Variants in SUPT3H observed in about 807,000 individuals in gnomAD.
The protein encoded by SUPT3H is SPT3 homolog, SAGA and STAGA complex component, also known as transcription initiation protein SPT3 homolog.
Under a neutral mutation model 44.3 loss-of-function variants are expected in SUPT3H, and 44 were observed. The ratio of observed to expected loss-of-function variants is 0.99; its 90% CI spans 0.78 to 1.28. The LOEUF is 1.28. SUPT3H is among the 50% of genes most tolerant of loss of function. The pLI, the probability that SUPT3H is intolerant of heterozygous loss-of-function variation, is 0.00. For missense variants in SUPT3H, 380 were observed against 387.1 expected (o/e 0.98, Z 0.15); for synonymous variants, 124 against 125.6 (o/e 0.99, Z 0.09).
In SUPT3H at chr6:45,323,580, C is replaced by T. The variant is rs149082121; in HGVS notation, c.101+41621G>A. Among the ~76,000 whole-genome samples, 599 of 152,152 alleles carry T rather than the reference C, an allele frequency of 3.9e-3. 4 individuals are homozygous for T. Among genetic ancestry groups the T allele is most frequent in the African/African-American group, 0.014 (565 of 41,548 alleles). ...CCACCCCCAACTTGGCAATAAAAGA[C>T]ATCTTAAAACAAATTGTAACGAAAT... On this transcript the variant is annotated intron_variant, in intron 2 of 10. Transcript: ENST00000371459.
At chr6:45,341,001 A>AT (rs1789663545) in intron 2 of SUPT3H, among the ~76,000 whole-genome samples, 1 of 152,198 alleles carries the variant, frequency 6.6e-6, no homozygotes, top group Non-Finnish European at 1.5e-5. Flanking sequence ...ACTTCTAATT[A>AT]TAATTTCTTA....
intron 3 of SUPT3H, among the ~76,000 whole-genome samples, chr6:45,056,680 T>C (rs1014068611): frequency 6.6e-6 from 1 of 152,108 alleles, no homozygotes; most frequent in African/African-American, 2.4e-5. Flanking sequence ...AATGACACAG[T>C]GGACTTTGGG....
At chr6:44,840,629 T>C (rs572835960) in intron 10 of SUPT3H, among the ~76,000 whole-genome samples, 1 of 152,272 alleles carries the variant, frequency 6.6e-6, no homozygotes, top group East Asian at 1.9e-4. Context: ...TGTGAAAGAG[T>C]GGAAGCTAAT....
intron 2 of SUPT3H, among the ~76,000 whole-genome samples, chr6:45,272,019 A>G (rs1386670747): frequency 2.0e-5 from 3 of 152,106 alleles, no homozygotes; most frequent in Non-Finnish European, 2.9e-5. Context: ...TCCCATTTGG[A>G]ATGGCTGTAT....
intron 6 of SUPT3H, among the ~76,000 whole-genome samples, chr6:44,976,226 T>C (rs973548903): frequency 6.6e-6 from 1 of 152,186 alleles, no homozygotes; most frequent in Non-Finnish European, 1.5e-5. Context: ...AAAATGATAG[T>C]CTTTACCAAG....
At chr6:45,277,010 T>C (rs1338961151) in intron 2 of SUPT3H, among the ~76,000 whole-genome samples, 1 of 152,216 alleles carries the variant, frequency 6.6e-6, no homozygotes, top group East Asian at 1.9e-4. Context: ...CTTATGATTT[T>C]ATATTACATA....
chr6:45,202,736 A>G (rs1283669514), intron 2 of SUPT3H, among the ~76,000 whole-genome samples: 1 of 152,134 alleles, frequency 6.6e-6, no homozygotes, highest in African/African-American at 2.4e-5. Flanking sequence ...GTTTATCAAT[A>G]TTATAAATCT....
chr6:44,941,706 AC>A (rs1331342249), intron 9 of SUPT3H, among the ~76,000 whole-genome samples: 1 of 152,174 alleles, frequency 6.6e-6, no homozygotes. Flanking sequence ...GAGTGAAAAT[AC>A]GGGACATGTC....
rs56909118 is a variant in SUPT3H at position 45,115,950 on chromosome 6, A to G, written c.102-9944T>C. Among the ~76,000 whole-genome samples the G allele has an allele frequency of 3.9e-3, 598 of 152,184 alleles. 7 individuals carry two copies. The highest frequency in any genetic ancestry group is 0.014 in the African/African-American group (570 of 41,532). On this transcript the variant is annotated intron_variant, in intron 2 of 10. Coordinates refer to ENST00000371459, the MANE Select transcript of SUPT3H (RefSeq NM_003599.4). ...TAAACACACCCTTGAGTGCCAACCA[A>G]TCAACAACATTCTCATCTCTCTTAT...
At chr6:44,902,894 C>G (rs1174959521) in intron 10 of SUPT3H, among the ~76,000 whole-genome samples, 8 of 152,194 alleles carry the variant, frequency 5.3e-5, no homozygotes, top group African/African-American at 9.7e-5. Flanking sequence ...AACTGCTCAA[C>G]TACATGGAAA....
At chr6:45,273,903 C>T (rs72858557) in intron 2 of SUPT3H, among the ~76,000 whole-genome samples, 2,418 of 152,250 alleles carry the variant, frequency 0.016, 33 homozygotes, top group South Asian at 0.036. Flanking sequence ...AAAATGTTTT[C>T]CAAACTAGCC....
At chr6:45,056,873 A>G (rs993401699) in intron 3 of SUPT3H, among the ~76,000 whole-genome samples, 1 of 152,180 alleles carries the variant, frequency 6.6e-6, no homozygotes, top group East Asian at 1.9e-4. Flanking sequence ...TTCCAGTCTT[A>G]AACAACAACA....
chr6:44,864,383 C>G (rs568803881), intron 10 of SUPT3H, among the ~76,000 whole-genome samples: 1 of 152,226 alleles, frequency 6.6e-6, no homozygotes, highest in Non-Finnish European at 1.5e-5. Context: ...CTTCTCACAG[C>G]TCCACTAGGT....
rs1355566783 is a variant in SUPT3H, at chr6:45,178,341, G to C, written c.102-72335C>G. The stretch of plus-strand genomic sequence containing the variant: ...CAAGGCCATTACATAATGGTAAAGG[G>C]ATCAATTCAACAAGAAGAGCTAACT... On this transcript the variant is annotated intron_variant, in intron 2 of 10. Coordinates refer to ENST00000371459, the MANE Select transcript of SUPT3H (RefSeq NM_003599.4). Among the ~76,000 whole-genome samples the C allele has an allele frequency of 4.6e-5, 7 of 152,006 alleles. No homozygotes were observed. In the East Asian group the frequency reaches 7.7e-4, roughly 17 times the overall value.
chr6:45,261,490 A>C (rs1584549442), intron 2 of SUPT3H, among the ~76,000 whole-genome samples: 3 of 152,178 alleles, frequency 2.0e-5, no homozygotes, highest in African/African-American at 7.2e-5. Flanking sequence ...ACACATGATC[A>C]TCTCCATAGA....
chr6:45,327,205 C>T (rs1786502749), intron 2 of SUPT3H, among the ~76,000 whole-genome samples: 1 of 151,918 alleles, frequency 6.6e-6, no homozygotes, highest in African/African-American at 2.4e-5. Context: ...GACTAACATA[C>T]TCTGTCTGTG....
intron 2 of SUPT3H, among the ~76,000 whole-genome samples, chr6:45,182,263 T>G (rs1353422401): frequency 6.6e-6 from 1 of 152,202 alleles, no homozygotes; most frequent in African/African-American, 2.4e-5. Flanking sequence ...TTTTATTTTT[T>G]AGTTATTTAT....
intron 1 of SUPT3H, among the ~76,000 whole-genome samples, chr6:45,374,754 T>C (rs551315940): frequency 6.6e-6 from 1 of 152,308 alleles, no homozygotes; most frequent in South Asian, 2.1e-4. Flanking sequence ...AAGATGATTT[T>C]CTTCCAGAGG....
chr6:44,892,835 T>C (rs2153442782), intron 10 of SUPT3H, among the ~76,000 whole-genome samples: 1 of 152,264 alleles, frequency 6.6e-6, no homozygotes, highest in East Asian at 1.9e-4. Context: ...CTTCATCAAA[T>C]CAAACACCCT....
Sources: allele counts gnomAD v4.1 joint callset (sites outside exome capture counted in the v4.1 genomes callset), GRCh38; gene constraint gnomAD v4.1.1; transcripts MANE v1.5; gene names NCBI Gene and HGNC (gene_info 2026-07-23, HGNC 2026-07-21).